CDS2: variants seen among roughly 807,000 people sequenced by gnomAD.
CDS2 encodes the protein phosphatidate cytidylyltransferase 2.
A neutral mutation model predicts 59.0 loss-of-function variants in CDS2; 47 were observed. The ratio of observed to expected loss-of-function variants is 0.80; its 90% CI spans 0.63 to 1.02. CDS2 has a LOEUF of 1.02. Ranked by LOEUF, CDS2 falls within the 50% of genes least tolerant of loss-of-function variation. The pLI is 0.00. For missense variants in CDS2, 356 were observed against 558.9 expected, an observed-to-expected ratio of 0.64 and a Z score of 3.66; for synonymous variants, 207 against 206.4, an observed-to-expected ratio of 1.00 and a Z score of -0.02.
intron 1 of CDS2, among the ~76,000 whole-genome samples, chr20:5,172,699 A>G (rs1360789344): frequency 1.3e-5 from 2 of 152,218 alleles, no homozygotes; most frequent in East Asian, 1.9e-4. Context: ...AGGGCTATAC[A>G]GATACTAAGT....
chr20:5,131,087 T>G (rs930524389), intron 1 of CDS2, among the ~76,000 whole-genome samples: 2 of 144,150 alleles, frequency 1.4e-5, no homozygotes, highest in Non-Finnish European at 3.0e-5. Flanking sequence ...AGCAAGACTC[T>G]GTCTTAAAAA....
chr20:5,162,347 A>G (rs56802979), intron 1 of CDS2, among the ~76,000 whole-genome samples: 13,685 of 152,236 alleles, frequency 0.09, 693 homozygotes, highest in Middle Eastern at 0.17. Flanking sequence ...AAATTCTGAA[A>G]AGAACTCTGA....
At chr20:5,161,550 C>T (rs545812791) in intron 1 of CDS2, among the ~76,000 whole-genome samples, 1 of 152,374 alleles carries the variant, frequency 6.6e-6, no homozygotes, top group East Asian at 1.9e-4. Flanking sequence ...ATAACTGACA[C>T]ATACTTTGTG....
intron 7 of CDS2, among the ~76,000 whole-genome samples, chr20:5,183,585 A>G (rs1358245708): frequency 1.3e-5 from 2 of 152,244 alleles, no homozygotes; most frequent in Non-Finnish European, 2.9e-5. Context: ...GTAAGATTCC[A>G]TATCTGGAAA....
chr20:5,189,959 T>A, intron 12 of CDS2, 121 bp downstream of exon 12: 1 of 1,360,706 alleles, frequency 7.3e-7, no homozygotes, highest in South Asian at 1.3e-5. Flanking sequence ...TTCAGTTGTT[T>A]CTGCTTACAG....
chr20:5,145,822 G>GT (rs11470811), intron 1 of CDS2, among the ~76,000 whole-genome samples: 11,560 of 129,134 alleles, frequency 0.09, 617 homozygotes, highest in Middle Eastern at 0.15. Context: ...TGCTTTTTGT[G>GT]TTTTTTTTTT....
At position 5,189,106 on chromosome 20, in the gene CDS2, G is replaced by A; in HGVS notation, c.1021G>A (p.Ala341Thr). The A allele has an allele frequency of 1.9e-6, 3 of 1,614,038 alleles. No individual in the cohort carries two copies. Among genetic ancestry groups the A allele is most frequent in the Non-Finnish European group, 1.7e-6 (2 of 1,179,952 alleles). The change falls in exon 11 of 13, where the codon GCT becomes ACT. Residue 341 changes from alanine (A) to threonine (T), a missense_variant. This residue lies in a region of CDS2 where 88 missense variants were observed against 103.6 expected (regional missense o/e 0.85). Transcript: ENST00000460006. Reference protein sequence around the residue: ...RMYPFQIHSIALSTFASLIGP... With the variant: ...RMYPFQIHSITLSTFASLIGP... ...GTACCCCTTCCAGATTCACAGCATC[G>A]CTCTCTCCACCTTTGCCTCGCTCAT...
At chr20:5,137,541 C>T (rs969124897) in intron 1 of CDS2, among the ~76,000 whole-genome samples, 3 of 148,984 alleles carry the variant, frequency 2.0e-5, no homozygotes, top group African/African-American at 7.3e-5. Context: ...CCACACCTGA[C>T]CTTTCTACCT....
intron 1 of CDS2, among the ~76,000 whole-genome samples, chr20:5,141,519 A>G (rs556706294): frequency 6.6e-6 from 1 of 152,282 alleles, no homozygotes; most frequent in East Asian, 1.9e-4. Context: ...AGCTCTTGCA[A>G]TGGGGACTCT....
rs1228183001 is a variant in CDS2 at position 5,196,401 on chromosome 20, A to G, written c.*6167A>G. The G allele has an allele frequency of 6.6e-6, 1 of 152,238 alleles. No individual in the cohort carries two copies. The highest frequency in any genetic ancestry group is 1.5e-5 in the Non-Finnish European group (1 of 68,158). 9.4% of individuals were successfully genotyped at this position (152,238 alleles called of 1,614,324 possible). Reference sequence around the variant, plus strand: ...GGGTTGTGGTAAGGGCCCTCTGGAAATCAAGCAGAGAATGCCTTTGCAGTG... The same window carrying G: ...GGGTTGTGGTAAGGGCCCTCTGGAAGTCAAGCAGAGAATGCCTTTGCAGTG... On this transcript the variant is annotated 3_prime_UTR_variant, in exon 13 of 13. Transcript: ENST00000460006.
chr20:5,162,896 T>C (rs1409264116), intron 1 of CDS2, among the ~76,000 whole-genome samples: 2 of 152,174 alleles, frequency 1.3e-5, no homozygotes, highest in African/African-American at 2.4e-5. Flanking sequence ...TGCCAAGATA[T>C]ATGATAAGAT....
At position 5,190,098 on chromosome 20, in the gene CDS2, C is replaced by T. The variant is rs186659276; in HGVS notation, c.1206-4C>T. On this transcript the variant is annotated splice_polypyrimidine_tract_variant and splice_region_variant and intron_variant, in intron 12 of 12. Transcript: ENST00000460006. ...CAGTGCTGTTTCTTCACATTCTGTT[C>T]CAGAGGCCCTAACCCAAGCAAACTG... is the stretch of plus-strand genomic sequence containing the variant. The T allele has an allele frequency of 1.9e-6, 3 of 1,613,676 alleles. No individual in the cohort carries two copies. The highest frequency in any genetic ancestry group is 1.7e-5 in the Admixed American group (1 of 59,986).
chr20:5,130,640 G>A (rs887893012), intron 1 of CDS2, among the ~76,000 whole-genome samples: 18 of 152,128 alleles, frequency 1.2e-4, no homozygotes, highest in Admixed American at 6.5e-4. Context: ...AAAATTAGCC[G>A]GGCGTGGTGG....
rs1203116271 is a variant in CDS2 at position 5,195,113 on chromosome 20, C to T, written c.*4879C>T. The T allele has an allele frequency of 6.6e-6, 1 of 152,172 alleles. No individual in the cohort carries two copies. 9.4% of individuals were successfully genotyped at this position (152,172 alleles called of 1,614,324 possible). ...AGGCAGTTGGGTCTGATAATAGTACCTTCTTCCTGGGGTGGTTGTGAGGAT... is the reference window on the plus strand; with the variant it reads ...AGGCAGTTGGGTCTGATAATAGTACTTTCTTCCTGGGGTGGTTGTGAGGAT... On this transcript the variant is annotated 3_prime_UTR_variant, in exon 13 of 13. Coordinates refer to ENST00000460006, the MANE Select transcript of CDS2 (RefSeq NM_003818.4).
intron 4 of CDS2, 25 bp downstream of exon 4, chr20:5,176,770 C>G (rs1338722053): frequency 6.5e-7 from 1 of 1,542,522 alleles, no homozygotes; most frequent in Non-Finnish European, 9.0e-7. Context: ...CCCACAGAGG[C>G]TTTTAGAATT....
At chr20:5,158,076 T>C (rs2090847400) in intron 1 of CDS2, among the ~76,000 whole-genome samples, 1 of 152,122 alleles carries the variant, frequency 6.6e-6, no homozygotes, top group South Asian at 2.1e-4. Flanking sequence ...CTATCGTTAG[T>C]GTTAGTGTAT....
chr20:5,130,813 T>C (rs1439216235), intron 1 of CDS2, among the ~76,000 whole-genome samples: 2 of 150,582 alleles, frequency 1.3e-5, no homozygotes, highest in African/African-American at 2.4e-5. Context: ...CTCTGGAGGC[T>C]GGGCGTGGTA....
chr20:5,190,787 C>G lies in CDS2; in HGVS notation c.*553C>G, dbSNP rs2091108322. On this transcript the variant is annotated 3_prime_UTR_variant, in exon 13 of 13. Transcript: ENST00000460006. ...GCCTTCTATGCATCCACACCAAAATCCTGCAGAATGTAAGTAAGCTCTGCT... is the reference window on the plus strand; with the variant it reads ...GCCTTCTATGCATCCACACCAAAATGCTGCAGAATGTAAGTAAGCTCTGCT... 1 of 152,228 alleles carries G rather than the reference C, an allele frequency of 6.6e-6. No homozygotes were observed. The highest frequency in any genetic ancestry group is 1.5e-5 in the Non-Finnish European group (1 of 68,022). 9.4% of individuals were successfully genotyped at this position (152,228 alleles called of 1,614,324 possible).
chr20:5,167,355 C>T (rs530268984), intron 1 of CDS2, among the ~76,000 whole-genome samples: 111 of 152,256 alleles, frequency 7.3e-4, no homozygotes, highest in African/African-American at 2.5e-3. Flanking sequence ...TTTTGAAGGA[C>T]AGGGTATGGC....
Sources: allele counts gnomAD v4.1 joint callset (sites outside exome capture counted in the v4.1 genomes callset), GRCh38; gene constraint gnomAD v4.1.1; regional missense constraint gnomAD v4.1.1; transcripts MANE v1.5; gene names NCBI Gene and HGNC (gene_info 2026-07-23, HGNC 2026-07-21).